The following RXRA variants were observed in gnomAD, a reference collection of about 807,000 sequenced individuals.
RXRA encodes the protein retinoid X receptor alpha, also known as retinoic acid receptor RXR-alpha.
Under a neutral mutation model 44.5 loss-of-function variants are expected in RXRA, and 5 were observed. The observed-to-expected ratio is 0.11, with a 90% CI of 0.06 to 0.24. The LOEUF (loss-of-function observed/expected upper bound fraction) is 0.24, where lower values mean the gene tolerates loss of function less well. Ranked by LOEUF, RXRA falls within the 10% of genes least tolerant of loss-of-function variation. RXRA has a pLI of 1.00. For missense variants in RXRA, 412 were observed against 646.5 expected, an observed-to-expected ratio of 0.64 and a Z score of 3.93; for synonymous variants, 291 against 271.4, an observed-to-expected ratio of 1.07 and a Z score of -0.71.
At chr9:134,412,636 G>C (rs1362731154) in intron 4 of RXRA, among the ~76,000 whole-genome samples, 4 of 152,208 alleles carry the variant, frequency 2.6e-5, no homozygotes, top group Non-Finnish European at 4.4e-5. Flanking sequence ...GGGCAGAGGT[G>C]GGGGGACGTG....
intron 1 of RXRA, among the ~76,000 whole-genome samples, chr9:134,381,014 A>G (rs962311518): frequency 2.6e-5 from 4 of 152,192 alleles, no homozygotes; most frequent in Admixed American, 6.5e-5. Flanking sequence ...GGGCCCAGTC[A>G]GAGACTGAGT....
rs1273030073 is a variant in RXRA, at chr9:134,365,316, C to T, written c.29-36316C>T. Among the ~76,000 whole-genome samples, 1 of 152,272 alleles carries T rather than the reference C, an allele frequency of 6.6e-6. No individual in the cohort carries two copies. Among genetic ancestry groups the T allele is most frequent in the Non-Finnish European group, 1.5e-5 (1 of 68,052 alleles). ...AAAGCCCTCGCCCCTCGTGGTGGGGCAGCGCGTCCCTGGGTGAGTGACCAG... is the reference window on the plus strand; with the variant it reads ...AAAGCCCTCGCCCCTCGTGGTGGGGTAGCGCGTCCCTGGGTGAGTGACCAG... On this transcript the variant is annotated intron_variant, in intron 1 of 9. Coordinates refer to ENST00000481739, the MANE Select transcript of RXRA (RefSeq NM_002957.6). This position sits in a 1 kb window ranked among gnomAD's most constrained non-coding sequence, Gnocchi z 4.0.
chr9:134,421,759 C>T lies in RXRA; in HGVS notation c.864C>T (p.His288=), dbSNP rs1258487535. The part of the protein sequence containing the change: ...TLVEWAKRIP[H]FSELPLDDQV... Reference sequence around the variant, plus strand: ...TGGAGTGGGCCAAGCGGATCCCACACTTCTCAGAGCTGCCCCTGGACGACC... The same window carrying T: ...TGGAGTGGGCCAAGCGGATCCCACATTTCTCAGAGCTGCCCCTGGACGACC... Residue 288 remains histidine, a synonymous_variant, in exon 6 of 10, where the codon CAC becomes CAT. Coordinates refer to ENST00000481739, the MANE Select transcript of RXRA (RefSeq NM_002957.6). 6.2e-7 allele frequency: 1 copy of T among 1,607,702 alleles called. No individual in the cohort carries two copies. Among genetic ancestry groups the T allele is most frequent in the African/African-American group, 1.3e-5 (1 of 74,816 alleles).
At chr9:134,400,771 CG>C (rs976322994) in intron 1 of RXRA, among the ~76,000 whole-genome samples, 1 of 152,190 alleles carries the variant, frequency 6.6e-6, no homozygotes, top group African/African-American at 2.4e-5. Flanking sequence ...GCCTCTCCTG[CG>C]GCCCTATGGG....
chr9:134,401,473 G>A (rs1303511521), intron 1 of RXRA, 159 bp from the exon 2 acceptor site: 4 of 1,122,552 alleles, frequency 3.6e-6, no homozygotes, highest in Admixed American at 4.3e-5. Flanking sequence ...CGTAGTGAGT[G>A]TGAATTTGCG....
chr9:134,352,099 C>T (rs993339694), intron 1 of RXRA, among the ~76,000 whole-genome samples: 2 of 152,208 alleles, frequency 1.3e-5, no homozygotes, highest in South Asian at 2.1e-4. Flanking sequence ...CAGAGGCTGT[C>T]GAAGGCAGAG....
chr9:134,329,527 TG>T (rs1260630092), intron 1 of RXRA, among the ~76,000 whole-genome samples: 2 of 152,192 alleles, frequency 1.3e-5, no homozygotes, highest in African/African-American at 4.8e-5. Flanking sequence ...AGCATGCAGC[TG>T]TGACCCTCTG....
intron 1 of RXRA, among the ~76,000 whole-genome samples, chr9:134,328,046 G>A (rs1192131427): frequency 6.6e-6 from 1 of 152,182 alleles, no homozygotes; most frequent in Non-Finnish European, 1.5e-5. Context: ...CCCCCAGCTC[G>A]TGGTACTGCT....
At chr9:134,421,830 A>T (rs1011514492) in intron 6 of RXRA, 25 bp downstream of exon 6, 3 of 1,611,468 alleles carry the variant, frequency 1.9e-6, no homozygotes, top group Non-Finnish European at 2.5e-6. Flanking sequence ...CTAGGTGGGG[A>T]TGGGGATGCC....
intron 1 of RXRA, among the ~76,000 whole-genome samples, chr9:134,334,006 G>A (rs2119013874): frequency 6.6e-6 from 1 of 152,344 alleles, no homozygotes; most frequent in East Asian, 1.9e-4. Flanking sequence ...CTGCAGCTTT[G>A]GACTTGGTGC....
At chr9:134,391,239 C>A (rs1286741822) in intron 1 of RXRA, among the ~76,000 whole-genome samples, 1 of 152,188 alleles carries the variant, frequency 6.6e-6, no homozygotes, top group Non-Finnish European at 1.5e-5. Flanking sequence ...TGGCATGGAG[C>A]TGGCCACGCT....
intron 9 of RXRA, among the ~76,000 whole-genome samples, chr9:134,435,317 C>T (rs1831600651): frequency 6.6e-6 from 1 of 152,188 alleles, no homozygotes; most frequent in African/African-American, 2.4e-5. Flanking sequence ...AGCACCCTGT[C>T]CTCAGCGGCA....
At chr9:134,336,639 G>C (rs1170445879) in intron 1 of RXRA, among the ~76,000 whole-genome samples, 1 of 152,146 alleles carries the variant, frequency 6.6e-6, no homozygotes, top group Non-Finnish European at 1.5e-5. Flanking sequence ...TCAAGACAGG[G>C]CTGGCTCCAG....
rs1459631422 is a variant in RXRA, at chr9:134,348,640, G to A, written c.28+21981G>A. On this transcript the variant is annotated intron_variant, in intron 1 of 9. Transcript: ENST00000481739. ...CACCCTGCTGTGGCACTGCGATGGA[G>A]GGCTGGCTCCTGCCCAGTGCTTCCC... 3.9e-5 allele frequency among the ~76,000 whole-genome samples: 6 copies of A among 152,364 alleles called. No homozygotes were observed. In the East Asian group the frequency reaches 1.2e-3, roughly 29 times the overall value.
intron 1 of RXRA, among the ~76,000 whole-genome samples, chr9:134,345,227 C>G (rs1554748611): frequency 6.6e-6 from 1 of 150,828 alleles, no homozygotes. Context: ...GATAACGTAT[C>G]CCCCTCTAGC....
At chr9:134,379,251 C>A (rs76787599) in intron 1 of RXRA, 1 of 985,102 alleles carries the variant, frequency 1.0e-6, no homozygotes, top group South Asian at 4.7e-5. Context: ...TCCCTGAGGG[C>A]GGGGCTCGGG....
Position 134,347,408 on chromosome 9 carries a change from G to A in RXRA, c.28+20749G>A, listed in dbSNP as rs576515437. Among the ~76,000 whole-genome samples, 3 of 152,362 alleles carry A rather than the reference G, an allele frequency of 2.0e-5. No individual in the cohort carries two copies. In the South Asian group the frequency reaches 6.2e-4, roughly 32 times the overall value. The stretch of plus-strand genomic sequence containing the variant: ...GTCTCTGCGCCCTGAGTGCAGCGCA[G>A]CTCCTCCATCTGCCTGGGAGGCAGA... On this transcript the variant is annotated intron_variant, in intron 1 of 9. Coordinates refer to ENST00000481739, the MANE Select transcript of RXRA (RefSeq NM_002957.6).
rs937492256 is a variant in RXRA at position 134,407,552 on chromosome 9, T to G, written c.280-597T>G. On this transcript the variant is annotated intron_variant, in intron 2 of 9. Coordinates refer to ENST00000481739, the MANE Select transcript of RXRA (RefSeq NM_002957.6). This position sits in a 1 kb window ranked among gnomAD's most constrained non-coding sequence, Gnocchi z 4.8. ...CGGGCCGGCGGGTGGGGCGGAGGGG[T>G]GTGCAGAGAGGCCAGTGGTGTCGTG... is the stretch of plus-strand genomic sequence containing the variant. Among the ~76,000 whole-genome samples the G allele has an allele frequency of 1.3e-5, 2 of 151,222 alleles. No individual in the cohort carries two copies. The highest frequency in any genetic ancestry group is 4.9e-5 in the African/African-American group (2 of 41,142).
intron 1 of RXRA, among the ~76,000 whole-genome samples, chr9:134,328,508 A>G (rs1834951078): frequency 6.6e-6 from 1 of 152,104 alleles, no homozygotes; most frequent in Admixed American, 6.5e-5. Flanking sequence ...CTCGAGCAGC[A>G]GCTCTCCCGA....
Sources: gnomAD v4.1 joint callset for allele counts (sites outside exome capture counted in the v4.1 genomes callset) on GRCh38, gnomAD v4.1.1 for gene constraint, Gnocchi (gnomAD v3.1) non-coding constraint, MANE v1.5 for transcripts, NCBI Gene and HGNC (gene_info 2026-07-23, HGNC 2026-07-21) for gene names.